The following SERPINB12 variants were observed in gnomAD, a reference collection of about 807,000 sequenced individuals.
SERPINB12 encodes serpin B12.
SERPINB12 carries 57 observed loss-of-function variants against 41.1 expected under a neutral mutation model. The ratio of observed to expected loss-of-function variants is 1.39; its 90% confidence interval spans 1.12 to 1.73. The LOEUF (loss-of-function observed/expected upper bound fraction) is 1.73, where lower values mean the gene tolerates loss of function less well. SERPINB12 is among the 40% of genes most tolerant of loss of function. SERPINB12 has a pLI of 0.00. For missense variants in SERPINB12, 536 were observed against 501.9 expected (o/e 1.07, Z -0.65); for synonymous variants, 180 against 181.3 (o/e 0.99, Z 0.06).
intron 1 of SERPINB12, among the ~76,000 whole-genome samples, chr18:63,548,897 G>A (rs1910453688): frequency 6.6e-6 from 1 of 152,102 alleles, no homozygotes; most frequent in South Asian, 2.1e-4. Context: ...ATTTGACCTA[G>A]AAATCCCATG....
chr18:63,558,605 G>A (rs992922382), intron 3 of SERPINB12, 119 bp downstream of exon 3: 40 of 1,090,820 alleles, frequency 3.7e-5, no homozygotes, highest in South Asian at 8.4e-5. Flanking sequence ...ACCATCAACA[G>A]CAATAACCTC....
At chr18:63,535,732 T>C in the SERPINB12 span, among the ~76,000 whole-genome samples, 1 of 152,160 alleles carries the variant, frequency 6.6e-6, no homozygotes, top group African/African-American at 2.4e-5. Context: ...GTGCTATGGT[T>C]GGGTAAGAGC....
chr18:63,561,061 T>G (rs765268575), intron 4 of SERPINB12, 24 bp from the exon 5 acceptor site: 1 of 1,460,616 alleles, frequency 6.8e-7, no homozygotes, highest in Non-Finnish European at 9.6e-7. Flanking sequence ...ATTGCATTAT[T>G]TCCCTTTTAT....
chr18:63,521,614 C>CA, the SERPINB12 span, among the ~76,000 whole-genome samples: 82 of 151,592 alleles, frequency 5.4e-4, no homozygotes, highest in African/African-American at 1.8e-3. Context: ...TTATCTTGCC[C>CA]AAAAAAAAGG....
the SERPINB12 span, among the ~76,000 whole-genome samples, chr18:63,528,269 C>A: frequency 6.6e-6 from 1 of 151,798 alleles, no homozygotes; most frequent in African/African-American, 2.4e-5. Context: ...GTAATTTGTC[C>A]ATTGATTAAA....
chr18:63,521,508 G>A, the SERPINB12 span, among the ~76,000 whole-genome samples: 1,891 of 152,266 alleles, frequency 0.012, 20 homozygotes, highest in South Asian at 0.054. Context: ...TCGACCTGGA[G>A]TCCATTGTCA....
At chr18:63,528,113 T>C in the SERPINB12 span, among the ~76,000 whole-genome samples, 1 of 152,130 alleles carries the variant, frequency 6.6e-6, no homozygotes, top group Admixed American at 6.6e-5. Flanking sequence ...TCTTTTTCTT[T>C]ATAAATTACC....
At chr18:63,545,529 AC>A (rs1157880195) in intron 1 of SERPINB12, among the ~76,000 whole-genome samples, 1 of 152,220 alleles carries the variant, frequency 6.6e-6, no homozygotes. Flanking sequence ...CTTGTAGGGC[AC>A]AGTCATCTGT....
Position 63,565,448 on chromosome 18 carries a change from G to A in SERPINB12, c.709G>A (p.Glu237Lys). The A allele has an allele frequency of 3.7e-6, 6 of 1,612,270 alleles. No individual in the cohort carries two copies. Among genetic ancestry groups the A allele is most frequent in the Non-Finnish European group, 5.1e-6 (6 of 1,179,222 alleles). ...CCTCCTACCTTGACTACTACAGAAT[G>A]AAAACAAGAGTGTGAAGATGATGAC... The part of the protein sequence containing the change: ...VDAPFCLNAN[E>K]NKSVKMMTQK... The change falls in exon 7 of 8, where the codon GAA becomes AAA. Residue 237 changes from glutamate to lysine, a missense_variant. Coordinates refer to ENST00000382768, the MANE Select transcript of SERPINB12 (RefSeq NM_001307928.2).
the SERPINB12 span, among the ~76,000 whole-genome samples, chr18:63,522,185 C>A: frequency 6.6e-6 from 1 of 152,124 alleles, no homozygotes; most frequent in African/African-American, 2.4e-5. Context: ...GATTAAAAAA[C>A]CCCTTGAGGC....
rs765410679 is a variant in SERPINB12, at chr18:63,561,138, T to G, written c.498T>G (p.Asp166Glu). Residue 166 changes from aspartate to glutamate, a missense_variant, in exon 5 of 8, where the codon GAT becomes GAG. Coordinates refer to ENST00000382768, the MANE Select transcript of SERPINB12 (RefSeq NM_001307928.2). ...ACCACACGACGATTGAAAGTGTTGA[T>G]TTCCAAAAAAACCCTGAAAAATCCA... ...QFYHTTIESV[D>E]FQKNPEKSRQ... The G allele has an allele frequency of 2.9e-5, 47 of 1,613,672 alleles. No individual in the cohort carries two copies. The highest frequency in any genetic ancestry group is 3.8e-5 in the Non-Finnish European group (45 of 1,179,722).
At chr18:63,564,642 C>T (rs191426830) in intron 6 of SERPINB12, among the ~76,000 whole-genome samples, 3 of 152,258 alleles carry the variant, frequency 2.0e-5, no homozygotes, top group East Asian at 3.9e-4. Flanking sequence ...TTTAAGGTGC[C>T]TGGGGTTGTG....
chr18:63,547,358 A>ATT (rs200260064), intron 1 of SERPINB12, among the ~76,000 whole-genome samples: 2 of 146,410 alleles, frequency 1.4e-5, no homozygotes, highest in East Asian at 2.0e-4. Flanking sequence ...TGTGAGTTAG[A>ATT]TTTTTTTTTT....
intron 1 of SERPINB12, among the ~76,000 whole-genome samples, chr18:63,548,888 T>C (rs1319208027): frequency 6.6e-6 from 1 of 152,092 alleles, no homozygotes; most frequent in Non-Finnish European, 1.5e-5. Flanking sequence ...CTTTATAATA[T>C]TTGACCTAGA....
chr18:63,559,047 T>TTTCTTTCTTTC lies in SERPINB12; in HGVS notation c.304-529_304-519dup, dbSNP rs1200881737. Among the ~76,000 whole-genome samples, 5 of 92,654 alleles carry TTTCTTTCTTTC rather than the reference T, an allele frequency of 5.4e-5. No homozygotes were observed. The South Asian group carries it at 1.5e-3, about 27-fold the overall frequency. 60.8% of individuals were successfully genotyped at this position (92,654 alleles called of 152,430 possible). On this transcript the variant is annotated intron_variant, in intron 3 of 7. Coordinates refer to ENST00000382768, the MANE Select transcript of SERPINB12 (RefSeq NM_001307928.2). ...CTTTCTTTCTTTCTTTCTTTCTTTC[T>TTTCTTTCTTTC]TTCTTTCTTTCTCTCCTTCTTCTCT...
chr18:63,555,881 T>C (rs1054136500), intron 1 of SERPINB12, among the ~76,000 whole-genome samples: 1 of 152,196 alleles, frequency 6.6e-6, no homozygotes, highest in African/African-American at 2.4e-5. Flanking sequence ...ACTCCTGCTA[T>C]TTAAACCACT....
chr18:63,554,631 G>A (rs1236379563), intron 1 of SERPINB12, among the ~76,000 whole-genome samples: 1 of 152,190 alleles, frequency 6.6e-6, no homozygotes, highest in Non-Finnish European at 1.5e-5. Flanking sequence ...TCAGTGGTGA[G>A]ATCTACATAT....
Position 63,568,800 on chromosome 18 carries a change from C to T in SERPINB12, c.*1789C>T, listed in dbSNP as rs1911202344. On this transcript the variant is annotated 3_prime_UTR_variant, in exon 8 of 8. Transcript: ENST00000382768. Reference sequence around the variant, plus strand: ...CTCCTCTTCCTTTTCTCACCTACCCCAGTGATTTCTTTGTGCTCTGAGAGA... The same window carrying T: ...CTCCTCTTCCTTTTCTCACCTACCCTAGTGATTTCTTTGTGCTCTGAGAGA... Among the ~76,000 whole-genome samples the T allele has an allele frequency of 6.6e-6, 1 of 152,186 alleles. No homozygotes were observed. Among genetic ancestry groups the T allele is most frequent in the Non-Finnish European group, 1.5e-5 (1 of 68,028 alleles).
chr18:63,544,128 C>T (rs939520719), intron 1 of SERPINB12, among the ~76,000 whole-genome samples: 1 of 152,106 alleles, frequency 6.6e-6, no homozygotes, highest in Non-Finnish European at 1.5e-5. Flanking sequence ...GTGATTTCTT[C>T]TCCACTACCA....
Sources: allele counts gnomAD v4.1 joint callset (sites outside exome capture counted in the v4.1 genomes callset), GRCh38; gene constraint gnomAD v4.1.1; transcripts MANE v1.5; gene names NCBI Gene and HGNC (gene_info 2026-07-23, HGNC 2026-07-21).